Variants in TSPAN7 observed in about 807,000 individuals in gnomAD.
The protein encoded by TSPAN7 is tetraspanin 7, also known as tetraspanin-7.
TSPAN7 carries 1 observed loss-of-function variant against 17.6 expected under a neutral mutation model. The observed-to-expected ratio is 0.06, with a 90% CI of 0.02 to 0.27. TSPAN7 has a LOEUF of 0.27. Ranked by LOEUF, TSPAN7 falls within the 10% of genes least tolerant of loss-of-function variation. The pLI is 1.00. For missense variants in TSPAN7, 112 were observed against 201.7 expected, an observed-to-expected ratio of 0.56 and a Z score of 2.69; for synonymous variants, 78 against 79.0, an observed-to-expected ratio of 0.99 and a Z score of 0.07.
chrX:38,666,309 G>A lies in TSPAN7; in HGVS notation c.270G>A (p.Leu90=). 1 of 1,208,667 alleles carries A rather than the reference G, an allele frequency of 8.3e-7. No homozygotes were observed. Among genetic ancestry groups the A allele is most frequent in the Non-Finnish European group, 1.1e-6 (1 of 892,793 alleles). Residue 90 remains leucine (L), a splice_region_variant and synonymous_variant, in exon 2 of 8, where the codon CTG becomes CTA. Coordinates refer to ENST00000378482, the MANE Select transcript of TSPAN7 (RefSeq NM_004615.4). The part of the protein sequence containing the change: ...TCRGSPWMLK[L]YAMFLSLVFL... ...GTGGTAGCCCATGGATGCTGAAACT[G>A]GTGAGTATGTCACAACATAATACTG...
Position 38,685,691 on chromosome X carries a change from G to T in TSPAN7, c.682-1908G>T, listed in dbSNP as rs771908505. Among the ~76,000 whole-genome samples, 69 of 111,871 alleles carry T rather than the reference G, an allele frequency of 6.2e-4. 1 individual carries two copies. Among genetic ancestry groups the T allele is most frequent in the Non-Finnish European group, 1.1e-3 (57 of 53,142 alleles). On this transcript the variant is annotated intron_variant, in intron 6 of 7. Transcript: ENST00000378482. ...AAATAACAGTACAACAAAAAATAAT[G>T]CAAATAAAAGCAATATAGTATAGCA... is the stretch of plus-strand genomic sequence containing the variant.
chrX:38,654,098 G>A (rs1187273832), intron 1 of TSPAN7, among the ~76,000 whole-genome samples: 3 of 111,887 alleles, frequency 2.7e-5, no homozygotes, highest in African/African-American at 9.8e-5. Flanking sequence ...CTACAGACAG[G>A]CTAAAGAGGA....
intron 1 of TSPAN7, among the ~76,000 whole-genome samples, chrX:38,597,718 A>G (rs965757537): frequency 2.0e-4 from 22 of 111,696 alleles, no homozygotes; most frequent in African/African-American, 7.1e-4. Flanking sequence ...TTCATAAAAC[A>G]TAAGTGCTGT....
chrX:38,666,085 T>C, intron 1 of TSPAN7, 36 bp from the exon 2 acceptor site: 2 of 1,201,620 alleles, frequency 1.7e-6, no homozygotes, highest in Non-Finnish European at 2.3e-6. Flanking sequence ...TCACCTCTCT[T>C]GGCAATAGCT....
intron 1 of TSPAN7, among the ~76,000 whole-genome samples, chrX:38,635,859 A>G (rs2069577445): frequency 9.0e-6 from 1 of 111,200 alleles, no homozygotes; most frequent in Non-Finnish European, 1.9e-5. Flanking sequence ...CACTGTTACC[A>G]CTAGCTATGT....
At chrX:38,624,445 A>C (rs2069509123) in intron 1 of TSPAN7, among the ~76,000 whole-genome samples, 1 of 112,299 alleles carries the variant, frequency 8.9e-6, no homozygotes, top group Non-Finnish European at 1.9e-5. Context: ...TTGTTAAATT[A>C]TTTATGTTAA....
intron 1 of TSPAN7, among the ~76,000 whole-genome samples, chrX:38,563,475 GGA>G (rs202100661): frequency 0.017 from 1,771 of 103,910 alleles, 41 homozygotes; most frequent in African/African-American, 0.068. Context: ...AATCATATTG[GGA>G]GGGGGGAGGT....
chrX:38,625,226 C>T (rs768278080), intron 1 of TSPAN7, among the ~76,000 whole-genome samples: 2 of 110,956 alleles, frequency 1.8e-5, no homozygotes, highest in East Asian at 5.7e-4. Context: ...AGCTCACCAC[C>T]ACCCACCGAG....
intron 1 of TSPAN7, among the ~76,000 whole-genome samples, chrX:38,664,895 A>C (rs150805692): frequency 0.011 from 1,213 of 112,109 alleles, 9 homozygotes; most frequent in Non-Finnish European, 0.018. Flanking sequence ...CACACACACA[A>C]AAATCTGATA....
intron 1 of TSPAN7, among the ~76,000 whole-genome samples, chrX:38,590,445 T>C (rs1569303709): frequency 8.9e-6 from 1 of 112,407 alleles, no homozygotes; most frequent in Non-Finnish European, 1.9e-5. Flanking sequence ...ACTGAATTGG[T>C]AAGTGTTCCT....
chrX:38,596,148 C>G (rs943940847), intron 1 of TSPAN7, among the ~76,000 whole-genome samples: 1 of 111,350 alleles, frequency 9.0e-6, no homozygotes, highest in African/African-American at 3.3e-5. Context: ...ATGCCTTTAT[C>G]TGCAGATAAC....
At chrX:38,599,475 A>G (rs1413763032) in intron 1 of TSPAN7, among the ~76,000 whole-genome samples, 1 of 111,658 alleles carries the variant, frequency 9.0e-6, no homozygotes, top group Non-Finnish European at 1.9e-5. Context: ...CATATTTTGT[A>G]TGGGAAAGAA....
chrX:38,637,840 G>GA (rs1157667758), intron 1 of TSPAN7, among the ~76,000 whole-genome samples: 31 of 111,939 alleles, frequency 2.8e-4, no homozygotes, highest in African/African-American at 8.5e-4. Context: ...TTGAATAAGT[G>GA]AAAAAATATT....
intron 1 of TSPAN7, among the ~76,000 whole-genome samples, chrX:38,655,704 A>G (rs1413533459): frequency 1.8e-5 from 2 of 111,178 alleles, no homozygotes; most frequent in East Asian, 2.8e-4. Flanking sequence ...AGACCAACCC[A>G]CCTCATCACA....
intron 1 of TSPAN7, among the ~76,000 whole-genome samples, chrX:38,651,397 G>A (rs1357510119): frequency 1.8e-5 from 2 of 111,498 alleles, no homozygotes; most frequent in African/African-American, 3.3e-5. Context: ...CCCGGGAGCC[G>A]AAGCTTGCAG....
chrX:38,599,659 A>T lies in TSPAN7; in HGVS notation c.81+38032A>T, dbSNP rs1455194128. Among the ~76,000 whole-genome samples, 3 of 111,165 alleles carry T rather than the reference A, an allele frequency of 2.7e-5. No homozygotes were observed. In the South Asian group the frequency reaches 1.1e-3, roughly 42 times the overall value. On this transcript the variant is annotated intron_variant, in intron 1 of 7. Transcript: ENST00000378482. ...GCAATCAGGTTTAATGGAGTCCCCC[A>T]TTTTGCAGTGCTTGTATTAGCTTGC...
At chrX:38,562,974 A>G (rs1425779068) in intron 1 of TSPAN7, 2 of 964,994 alleles carry the variant, frequency 2.1e-6, no homozygotes, top group Non-Finnish European at 2.7e-6. Flanking sequence ...TTGCTTTGAA[A>G]CTGGAGCACA....
intron 1 of TSPAN7, among the ~76,000 whole-genome samples, chrX:38,581,846 C>T (rs191828888): frequency 6.4e-4 from 72 of 112,547 alleles, no homozygotes; most frequent in Non-Finnish European, 9.8e-4. Context: ...CCACTTTGAA[C>T]AAGACAGAAG....
chrX:38,580,065 C>A (rs187672486), intron 1 of TSPAN7, among the ~76,000 whole-genome samples: 1 of 112,403 alleles, frequency 8.9e-6, no homozygotes, highest in East Asian at 2.8e-4. Flanking sequence ...TGTCGACAGA[C>A]CTGGCTTTAG....
Sources: allele counts gnomAD v4.1 joint callset (sites outside exome capture counted in the v4.1 genomes callset), GRCh38; gene constraint gnomAD v4.1.1; transcripts MANE v1.5; gene names NCBI Gene and HGNC (gene_info 2026-07-23, HGNC 2026-07-21).